The following SPEF2 variants were observed in gnomAD, a reference collection of about 807,000 sequenced individuals.
SPEF2 encodes sperm flagella and cilia-associated protein 2.
SPEF2 carries 187 observed loss-of-function variants against 224.6 expected under a neutral mutation model. The ratio of observed to expected loss-of-function variants is 0.83; its 90% CI spans 0.74 to 0.94. SPEF2 has a LOEUF of 0.94. Among genes scored for constraint, SPEF2 ranks in the 40% least tolerant of loss-of-function variants. The pLI is 0.00. For synonymous variants in SPEF2, 715 were observed against 707.3 expected (o/e 1.01, Z -0.17); for missense variants, 2,170 against 2,135.6 (o/e 1.02, Z -0.32).
At chr5:35,707,367 C>T (rs890281336) in intron 18 of SPEF2, among the ~76,000 whole-genome samples, 4 of 152,068 alleles carry the variant, frequency 2.6e-5, no homozygotes, top group African/African-American at 9.7e-5. Context: ...CAGGCAATTC[C>T]CTTTTCTACT....
At chr5:35,636,210 A>G (rs1745812964) in intron 2 of SPEF2, among the ~76,000 whole-genome samples, 1 of 152,172 alleles carries the variant, frequency 6.6e-6, no homozygotes, top group Admixed American at 6.5e-5. Flanking sequence ...TGATTAGCTT[A>G]GTGGTCAGCA....
At chr5:35,800,283 G>A in intron 34 of SPEF2, 136 bp downstream of exon 34, 3 of 909,360 alleles carry the variant, frequency 3.3e-6, no homozygotes, top group Non-Finnish European at 4.7e-6. Flanking sequence ...ACACATACTA[G>A]GTCTTCAACA....
At position 35,694,332 on chromosome 5, in the gene SPEF2, A is replaced by G. The variant is rs762415972; in HGVS notation, c.1944A>G (p.Val648=). Residue 648 remains valine, a synonymous_variant, in exon 13 of 37, where the codon GTA becomes GTG. Coordinates refer to ENST00000356031, the MANE Select transcript of SPEF2 (RefSeq NM_024867.4). ...VFSAGPVSDE[V]LPETEGETML... ...CAGCTGGTCCAGTTTCAGATGAAGT[A>G]TTACCAGAAACAGAAGGTGAAACAA... 3.3e-5 allele frequency: 53 copies of G among 1,613,410 alleles called. No individual in the cohort carries two copies. Among genetic ancestry groups the G allele is most frequent in the Non-Finnish European group, 4.2e-5 (50 of 1,179,694 alleles).
intron 20 of SPEF2, among the ~76,000 whole-genome samples, chr5:35,715,816 C>CCTTTTTTTTTTTTTTTTTTTTT (rs70973054): frequency 2.5e-5 from 3 of 117,936 alleles, no homozygotes; most frequent in African/African-American, 3.2e-5. Flanking sequence ...GATATAATTT[C>CCTTTTTTTTTTTTTTTTTTTTT]TTTTTTTTTT....
intron 36 of SPEF2, chr5:35,807,739 C>A: frequency 1.3e-6 from 2 of 1,536,034 alleles, no homozygotes; most frequent in Non-Finnish European, 1.7e-6. Flanking sequence ...TAAGGACAAA[C>A]CCCAGAGAAA....
intron 23 of SPEF2, among the ~76,000 whole-genome samples, chr5:35,752,415 A>G (rs2149725065): frequency 6.6e-6 from 1 of 152,146 alleles, no homozygotes; most frequent in African/African-American, 2.4e-5. Flanking sequence ...TAGCCTCCTG[A>G]GTAGCTGGGA....
At chr5:35,695,695 A>C in intron 13 of SPEF2, 40 bp from the exon 14 acceptor site, 1 of 1,553,840 alleles carries the variant, frequency 6.4e-7, no homozygotes, top group African/African-American at 1.4e-5. Context: ...GTTAGGTGTA[A>C]ATACCAGAAA....
At chr5:35,750,931 C>T (rs1476489654) in intron 23 of SPEF2, among the ~76,000 whole-genome samples, 4 of 140,908 alleles carry the variant, frequency 2.8e-5, no homozygotes, top group East Asian at 2.1e-4. Context: ...GTTGCAAAAT[C>T]GTGGAACCAA....
chr5:35,759,150 A>G (rs1475390350), intron 24 of SPEF2, among the ~76,000 whole-genome samples: 1 of 151,094 alleles, frequency 6.6e-6, no homozygotes, highest in Non-Finnish European at 1.5e-5. Flanking sequence ...ATTTGTATGT[A>G]TAGTGTTTTT....
At chr5:35,673,864 C>G in intron 10 of SPEF2, among the ~76,000 whole-genome samples, 1 of 152,156 alleles carries the variant, frequency 6.6e-6, no homozygotes, top group East Asian at 1.9e-4. Flanking sequence ...CCTGTCACTA[C>G]AGCACATGTA....
chr5:35,700,877 T>C (rs577875818), intron 16 of SPEF2, 125 bp downstream of exon 16: 1 of 1,121,142 alleles, frequency 8.9e-7, no homozygotes, highest in African/African-American at 1.6e-5. Flanking sequence ...TATCAAATAA[T>C]TATCTAGTTG....
chr5:35,724,492 G>T (rs7714839), intron 20 of SPEF2, among the ~76,000 whole-genome samples: 5,977 of 152,156 alleles, frequency 0.039, 197 homozygotes, highest in African/African-American at 0.075. Flanking sequence ...CTCTGAGTTT[G>T]CAAACTTCTA....
intron 19 of SPEF2, chr5:35,709,440 T>A: frequency 9.2e-7 from 1 of 1,087,178 alleles, no homozygotes; most frequent in Non-Finnish European, 1.1e-6. Flanking sequence ...GATACACGTC[T>A]GTGTGCTGAA....
chr5:35,641,418 T>C lies in SPEF2; in HGVS notation c.162-13T>C. ...TGCTAATGTCTAATTATGTAAAATA[T>C]TTTACTGTCCAGGGTTTCAAGTGCC... On this transcript the variant is annotated splice_polypyrimidine_tract_variant and intron_variant, in intron 2 of 36. Coordinates refer to ENST00000356031, the MANE Select transcript of SPEF2 (RefSeq NM_024867.4). 6.3e-7 allele frequency: 1 copy of C among 1,598,996 alleles called. No homozygotes were observed. Among genetic ancestry groups the C allele is most frequent in the Non-Finnish European group, 8.5e-7 (1 of 1,173,910 alleles).
intron 16 of SPEF2, among the ~76,000 whole-genome samples, chr5:35,701,677 A>C (rs1393983526): frequency 6.6e-6 from 1 of 152,182 alleles, no homozygotes; most frequent in African/African-American, 2.4e-5. Context: ...ATAGTAATGC[A>C]AATGATTCGT....
chr5:35,685,650 A>G (rs570349874), intron 10 of SPEF2, among the ~76,000 whole-genome samples: 3 of 152,246 alleles, frequency 2.0e-5, no homozygotes, highest in African/African-American at 7.2e-5. Context: ...GCATTTATTT[A>G]TAAGCCAAAA....
chr5:35,754,962 C>T (rs775978531), intron 24 of SPEF2, among the ~76,000 whole-genome samples: 1 of 152,258 alleles, frequency 6.6e-6, no homozygotes, highest in African/African-American at 2.4e-5. Flanking sequence ...GCTGGTACTT[C>T]CAGCCTTCAA....
Position 35,779,216 on chromosome 5 carries a change from C to T in SPEF2, c.4317C>T (p.Gly1439=), listed in dbSNP as rs1429773280. Residue 1439 remains glycine (G), a synonymous_variant, in exon 30 of 37, where the codon GGC becomes GGT. Coordinates refer to ENST00000356031, the MANE Select transcript of SPEF2 (RefSeq NM_024867.4). ...YLSQEDFFIN[G]NIKVFPDPPP... ...GCCAAGAAGACTTCTTCATTAATGG[C>T]AATATAAAAGTCTTCCCAGATCCTC... 1 of 1,613,534 alleles carries T rather than the reference C, an allele frequency of 6.2e-7. No homozygotes were observed. Among genetic ancestry groups the T allele is most frequent in the African/African-American group, 1.3e-5 (1 of 74,982 alleles).
At chr5:35,708,610 A>G (rs1740357148) in intron 18 of SPEF2, among the ~76,000 whole-genome samples, 1 of 152,026 alleles carries the variant, frequency 6.6e-6, no homozygotes, top group Middle Eastern at 3.2e-3. Flanking sequence ...CACAGACTTC[A>G]CCACCTCTAC....
Sources: allele counts gnomAD v4.1 joint callset (sites outside exome capture counted in the v4.1 genomes callset), GRCh38; gene constraint gnomAD v4.1.1; transcripts MANE v1.5; gene names NCBI Gene and HGNC (gene_info 2026-07-23, HGNC 2026-07-21).